The following TPST1 variants were observed in gnomAD, a reference collection of about 807,000 sequenced individuals.
TPST1 encodes tyrosylprotein sulfotransferase 1.
In TPST1, 20 loss-of-function variants were observed where a neutral mutation model predicts 34.8. The ratio of observed to expected loss-of-function variants is 0.57; its 90% CI spans 0.40 to 0.84. The LOEUF is 0.84. Among genes scored for constraint, TPST1 ranks in the 40% least tolerant of loss-of-function variants. TPST1 has a pLI of 0.00. For synonymous variants in TPST1, 152 were observed against 159.4 expected, an observed-to-expected ratio of 0.95 and a Z score of 0.35; for missense variants, 353 against 455.5, an observed-to-expected ratio of 0.78 and a Z score of 2.05.
rs560312209 is a variant in TPST1, at chr7:66,236,100, G to A, written c.-101-4225G>A. Among the ~76,000 whole-genome samples the A allele has an allele frequency of 9.2e-5, 14 of 152,258 alleles. No homozygotes were observed. The South Asian group carries it at 2.9e-3, about 32-fold the overall frequency. ...TACTTTGACAGACAGTGAGCAGAGG[G>A]ATGACTTTGAATAGAATGGGAGGCA... is the stretch of plus-strand genomic sequence containing the variant. On this transcript the variant is annotated intron_variant, in intron 1 of 5. Transcript: ENST00000304842.
At chr7:66,234,400 T>TACACACACACACACAC (rs56139529) in intron 1 of TPST1, among the ~76,000 whole-genome samples, 11,460 of 142,754 alleles carry the variant, frequency 0.08, 547 homozygotes, top group African/African-American at 0.09. Context: ...AAAGCATGGC[T>TACACACACACACACAC]ACACACACAC....
chr7:66,301,881 G>C (rs2116046635), intron 3 of TPST1, among the ~76,000 whole-genome samples: 1 of 152,302 alleles, frequency 6.6e-6, no homozygotes, highest in South Asian at 2.1e-4. Context: ...GAGACATGAA[G>C]GGAGTGCATG....
intron 2 of TPST1, among the ~76,000 whole-genome samples, chr7:66,250,219 C>T (rs1465351135): frequency 6.6e-6 from 1 of 152,186 alleles, no homozygotes; most frequent in Non-Finnish European, 1.5e-5. Flanking sequence ...TTCACACTCA[C>T]CCATAGGTGC....
chr7:66,244,889 C>G (rs796782142), intron 2 of TPST1, among the ~76,000 whole-genome samples: 7 of 152,188 alleles, frequency 4.6e-5, no homozygotes, highest in African/African-American at 1.4e-4. Flanking sequence ...AACTATTAAA[C>G]ACAAATAAAT....
Position 66,272,573 on chromosome 7 carries a change from C to T in TPST1, c.846-13938C>T, listed in dbSNP as rs75173449. Among the ~76,000 whole-genome samples, 1,388 of 151,762 alleles carry T rather than the reference C, an allele frequency of 9.1e-3. 8 individuals are homozygous for T. The highest frequency in any genetic ancestry group is 0.045 in the Middle Eastern group (13 of 292). On this transcript the variant is annotated intron_variant, in intron 2 of 5. Coordinates refer to ENST00000304842, the MANE Select transcript of TPST1 (RefSeq NM_003596.4). ...GATCAGGAACAAGACAGAATACCCA[C>T]TCTCACCCCAATTCTTTTTTTTTTT...
chr7:66,246,686 A>G (rs886336752), intron 2 of TPST1, among the ~76,000 whole-genome samples: 1 of 152,236 alleles, frequency 6.6e-6, no homozygotes, highest in East Asian at 1.9e-4. Flanking sequence ...AAGGCAGACC[A>G]GGGCTGCTTT....
chr7:66,249,776 A>G (rs1790224795), intron 2 of TPST1, among the ~76,000 whole-genome samples: 1 of 152,162 alleles, frequency 6.6e-6, no homozygotes, highest in Non-Finnish European at 1.5e-5. Context: ...CATTTATTTA[A>G]TCAGTTCCTT....
At chr7:66,252,259 T>C (rs1337699885) in intron 2 of TPST1, among the ~76,000 whole-genome samples, 1 of 151,378 alleles carries the variant, frequency 6.6e-6, no homozygotes, top group African/African-American at 2.4e-5. Context: ...AGGGTTTCAC[T>C]GTGTTAATCA....
chr7:66,350,251 G>A (rs1369734129), intron 3 of TPST1, among the ~76,000 whole-genome samples: 1 of 152,172 alleles, frequency 6.6e-6, no homozygotes. Flanking sequence ...CTGACCTCAG[G>A]TGATCTGCCC....
chr7:66,267,735 A>G (rs1006121003), intron 2 of TPST1, among the ~76,000 whole-genome samples: 1 of 152,180 alleles, frequency 6.6e-6, no homozygotes, highest in Non-Finnish European at 1.5e-5. Flanking sequence ...TATTCAACAA[A>G]TATTTGTTAA....
At chr7:66,317,614 T>A (rs879145286) in intron 3 of TPST1, among the ~76,000 whole-genome samples, 11 of 152,242 alleles carry the variant, frequency 7.2e-5, no homozygotes, top group African/African-American at 2.2e-4. Context: ...GTTTTTTTTT[T>A]AATATCCTAT....
chr7:66,351,166 A>G (rs1261801497), intron 3 of TPST1, among the ~76,000 whole-genome samples: 1 of 152,190 alleles, frequency 6.6e-6, no homozygotes, highest in East Asian at 1.9e-4. Context: ...CCTACTTAGT[A>G]GCTTTAAATT....
chr7:66,224,633 C>A (rs1789610575), intron 1 of TPST1, among the ~76,000 whole-genome samples: 1 of 152,158 alleles, frequency 6.6e-6, no homozygotes, highest in Admixed American at 6.5e-5. Context: ...CATGGCCTTG[C>A]TGGCTGCTGA....
In TPST1 at chr7:66,205,472, C is replaced by T. The variant is rs1009760939; in HGVS notation, c.-152C>T. On this transcript the variant is annotated 5_prime_UTR_variant, in exon 1 of 6. Transcript: ENST00000304842. This position sits in a 1 kb window ranked among gnomAD's most constrained non-coding sequence, Gnocchi z 5.0. ...CCACCGAAGGCGGTGGGACCAGCGG[C>T]TGAGGCCAGGATGCCGTCCAGGCGG... The T allele has an allele frequency of 2.6e-5, 4 of 152,528 alleles. No individual in the cohort carries two copies. The highest frequency in any genetic ancestry group is 5.9e-5 in the Non-Finnish European group (4 of 68,320). 9.4% of individuals were successfully genotyped at this position (152,528 alleles called of 1,614,324 possible).
At chr7:66,247,129 A>G (rs962583447) in intron 2 of TPST1, among the ~76,000 whole-genome samples, 1 of 152,228 alleles carries the variant, frequency 6.6e-6, no homozygotes, top group Non-Finnish European at 1.5e-5. Flanking sequence ...GTGAATAATT[A>G]AAAACAAACA....
chr7:66,241,562 G>A (rs1433358493), intron 2 of TPST1, among the ~76,000 whole-genome samples: 1 of 152,094 alleles, frequency 6.6e-6, no homozygotes, highest in African/African-American at 2.4e-5. Context: ...GCGGTGAAAA[G>A]CCTTCTTCAG....
chr7:66,355,357 C>G (rs543216846), intron 4 of TPST1, among the ~76,000 whole-genome samples: 1 of 151,660 alleles, frequency 6.6e-6, no homozygotes, highest in African/African-American at 2.4e-5. Context: ...CACCTGTAAT[C>G]CCAGCTACTT....
intron 3 of TPST1, among the ~76,000 whole-genome samples, chr7:66,327,993 T>TC (rs1375335599): frequency 6.7e-6 from 1 of 149,032 alleles, no homozygotes; most frequent in African/African-American, 2.5e-5. Context: ...TTTTTTTCTT[T>TC]CTTTTTTTTT....
Position 66,332,599 on chromosome 7 carries a change from A to G in TPST1, c.1045-19906A>G, listed in dbSNP as rs1378663824. On this transcript the variant is annotated intron_variant, in intron 3 of 5. Coordinates refer to ENST00000304842, the MANE Select transcript of TPST1 (RefSeq NM_003596.4). The surrounding 1 kb of genome is among the most constrained non-coding windows in gnomAD (Gnocchi z 4.5). ...GTTTACATCTTAATTATGAATTGTT[A>G]CTATAGTCAGCCCTTTGTATCTGTG... Among the ~76,000 whole-genome samples the G allele has an allele frequency of 6.6e-6, 1 of 152,054 alleles. No homozygotes were observed. The highest frequency in any genetic ancestry group is 1.5e-5 in the Non-Finnish European group (1 of 67,988).
Sources: allele counts gnomAD v4.1 joint callset (sites outside exome capture counted in the v4.1 genomes callset), GRCh38; gene constraint gnomAD v4.1.1; non-coding constraint Gnocchi (gnomAD v3.1); transcripts MANE v1.5; gene names NCBI Gene and HGNC (gene_info 2026-07-23, HGNC 2026-07-21).